Variants in ABHD12 observed in about 807,000 individuals in gnomAD.
ABHD12 encodes abhydrolase domain containing 12, lysophospholipase, also known as lysophosphatidylserine lipase ABHD12.
In ABHD12, 43 loss-of-function variants were observed where a neutral mutation model predicts 58.3. The observed-to-expected ratio is 0.74, with a 90% confidence interval of 0.58 to 0.95. ABHD12 has a LOEUF of 0.95. Among genes scored for constraint, ABHD12 ranks in the 40% least tolerant of loss-of-function variants. The probability of loss-of-function intolerance (pLI) is 0.00; values close to 1 mark genes in which losing one functional copy is unlikely to be tolerated. For missense variants in ABHD12, 539 were observed against 537.2 expected (o/e 1.00, Z -0.03); for synonymous variants, 219 against 211.2 (o/e 1.04, Z -0.32).
Position 25,308,578 on chromosome 20 carries a change from G to A in ABHD12, c.750-84C>T. The A allele has an allele frequency of 1.2e-5, 17 of 1,474,674 alleles. No individual in the cohort carries two copies. In the South Asian group the frequency reaches 1.9e-4, roughly 17 times the overall value. The allele number at this position is 1,474,674 out of a possible 1,614,324, so 91.3% of individuals were successfully genotyped here. On this transcript the variant is annotated intron_variant, in intron 7 of 12. Transcript: ENST00000339157. ...GGCCTTATGCTGGAAAGTGCTCAGA[G>A]GAGCCATGGGGTCTGTGAAGCTACT...
In ABHD12 at chr20:25,377,787, T is replaced by G. The variant is rs184994286; in HGVS notation, c.191+12726A>C. Among the ~76,000 whole-genome samples, 461 of 152,294 alleles carry G rather than the reference T, an allele frequency of 3.0e-3. 2 individuals carry two copies. Among genetic ancestry groups the G allele is most frequent in the Non-Finnish European group, 5.5e-3 (376 of 68,020 alleles). On this transcript the variant is annotated intron_variant, in intron 1 of 12. Transcript: ENST00000339157. ...ATCTCGGCTCACTGCAACTTCTGCC[T>G]TCCAGGTTCAAGCGATTCTCCTGCC...
chr20:25,307,499 G>C (rs1346040582), intron 9 of ABHD12, among the ~76,000 whole-genome samples: 1 of 152,260 alleles, frequency 6.6e-6, no homozygotes, highest in African/African-American at 2.4e-5. Context: ...ATTCCCAGCT[G>C]GGGAGGGCAC....
rs181198475 is a variant in ABHD12 at position 25,327,202 on chromosome 20, C to T, written c.317-3772G>A. 4.7e-3 allele frequency among the ~76,000 whole-genome samples: 714 copies of T among 152,294 alleles called. 3 individuals are homozygous for T. The highest frequency in any genetic ancestry group is 8.4e-3 in the Non-Finnish European group (572 of 68,016). ...CCCAAAGGGGTGCCAGGCGCGGTGGCGCATGCCTATAATCCCAGCACTTTG... is the reference window on the plus strand; with the variant it reads ...CCCAAAGGGGTGCCAGGCGCGGTGGTGCATGCCTATAATCCCAGCACTTTG... On this transcript the variant is annotated intron_variant, in intron 2 of 12. Coordinates refer to ENST00000339157, the MANE Select transcript of ABHD12 (RefSeq NM_001042472.3).
chr20:25,379,663 A>G (rs756794455), intron 1 of ABHD12, among the ~76,000 whole-genome samples: 7 of 152,188 alleles, frequency 4.6e-5, no homozygotes, highest in Non-Finnish European at 7.3e-5. Flanking sequence ...TTGCACAATT[A>G]TGATATCATA....
chr20:25,386,030 G>A (rs1456920503), intron 1 of ABHD12, among the ~76,000 whole-genome samples: 1 of 151,766 alleles, frequency 6.6e-6, no homozygotes, highest in Non-Finnish European at 1.5e-5. Flanking sequence ...GAACCCGGGA[G>A]GCAAAGCTTG....
intron 4 of ABHD12, among the ~76,000 whole-genome samples, chr20:25,319,153 G>T (rs1411090777): frequency 1.3e-5 from 2 of 152,224 alleles, no homozygotes; most frequent in African/African-American, 2.4e-5. Context: ...CACACACGAA[G>T]ACCTTGGTGG....
intron 2 of ABHD12, among the ~76,000 whole-genome samples, chr20:25,326,110 AAGGGGAGGGG>A (rs372081778): frequency 7.3e-6 from 1 of 137,240 alleles, no homozygotes; most frequent in African/African-American, 2.7e-5. Flanking sequence ...GAAAGAAGTG[AAGGGGAGGGG>A]AGGGGAGGGA....
intron 1 of ABHD12, among the ~76,000 whole-genome samples, chr20:25,383,715 G>T (rs905793753): frequency 3.9e-5 from 6 of 152,106 alleles, no homozygotes; most frequent in Non-Finnish European, 8.8e-5. Context: ...CAGTACTTTG[G>T]GAGGCCAAGG....
Position 25,390,708 on chromosome 20 carries a change from C to G in ABHD12, c.-5G>C, listed in dbSNP as rs879850474. On this transcript the variant is annotated 5_prime_UTR_variant, in exon 1 of 13. Transcript: ENST00000339157. ...GGGCTCGGTCCGCTTCCTCATCCCG[C>G]GGCCGACAGGGCCAGCCGCCGACGG... is the stretch of plus-strand genomic sequence containing the variant. The G allele has an allele frequency of 3.6e-6, 5 of 1,377,156 alleles. No individual in the cohort carries two copies. Among genetic ancestry groups the G allele is most frequent in the Non-Finnish European group, 2.8e-6 (3 of 1,063,184 alleles). The allele number at this position is 1,377,156 out of a possible 1,614,324, so 85.3% of individuals were successfully genotyped here. A position where few individuals can be genotyped will look rare whatever the true frequency, so the allele number is the denominator to read the frequency against.
chr20:25,362,822 G>C (rs1600854928), intron 1 of ABHD12, among the ~76,000 whole-genome samples: 2 of 151,104 alleles, frequency 1.3e-5, no homozygotes, highest in South Asian at 4.2e-4. Flanking sequence ...TTGCAGGCGT[G>C]CACCACCACC....
chr20:25,308,875 G>A (rs2088796722), intron 7 of ABHD12, among the ~76,000 whole-genome samples: 1 of 152,222 alleles, frequency 6.6e-6, no homozygotes, highest in Non-Finnish European at 1.5e-5. Context: ...GGTGGACCAC[G>A]CAGACGGCCA....
chr20:25,301,052 G>A (rs571157038), intron 12 of ABHD12, among the ~76,000 whole-genome samples, 168 bp from the exon 13 acceptor site: 2 of 152,350 alleles, frequency 1.3e-5, no homozygotes, highest in South Asian at 4.1e-4. Context: ...GAGTTAGGCA[G>A]GGAACAAGCA....
chr20:25,358,253 C>A (rs1378332291), intron 1 of ABHD12, among the ~76,000 whole-genome samples: 4 of 152,142 alleles, frequency 2.6e-5, no homozygotes, highest in Admixed American at 6.6e-5. Context: ...GCAGGAAGAA[C>A]TAGGAAGAAG....
rs1436141961 is a variant in ABHD12 at position 25,300,332 on chromosome 20, C to T, written c.*513G>A. ...GCACTTCCACTGTGGGTGAGTGGGC[C>T]AGCCCAGGGGAGGTGGGGCAGCTGA... On this transcript the variant is annotated 3_prime_UTR_variant, in exon 13 of 13. Transcript: ENST00000339157. 1.9e-6 allele frequency: 2 copies of T among 1,037,242 alleles called. No individual in the cohort carries two copies. The highest frequency in any genetic ancestry group is 3.4e-5 in the African/African-American group (2 of 59,318). The allele number at this position is 1,037,242 out of a possible 1,614,324, so 64.3% of individuals were successfully genotyped here. A position where few individuals can be genotyped will look rare whatever the true frequency, so the allele number is the denominator to read the frequency against.
intron 11 of ABHD12, 89 bp from the exon 12 acceptor site, chr20:25,302,435 T>G: frequency 1.9e-6 from 3 of 1,542,940 alleles, no homozygotes; most frequent in Non-Finnish European, 2.7e-6. Flanking sequence ...TCCCCTTCAA[T>G]AGAAACCAGT....
intron 1 of ABHD12, among the ~76,000 whole-genome samples, chr20:25,362,910 T>C (rs1349861263): frequency 1.3e-5 from 2 of 151,956 alleles, no homozygotes; most frequent in African/African-American, 4.8e-5. Context: ...CAACCTCAGG[T>C]GATCTGCCCA....
chr20:25,347,250 A>G (rs1213879228), intron 1 of ABHD12, among the ~76,000 whole-genome samples: 1 of 152,184 alleles, frequency 6.6e-6, no homozygotes, highest in Admixed American at 6.5e-5. Context: ...CAAGAGTCTC[A>G]TAAGGGACAG....
intron 2 of ABHD12, among the ~76,000 whole-genome samples, chr20:25,332,298 T>G (rs1159673376): frequency 1.2e-3 from 176 of 151,674 alleles, no homozygotes; most frequent in African/African-American, 4.2e-3. Context: ...GCACCCAGAT[T>G]CATAAAGCAA....
chr20:25,303,955 T>G (rs2145921675), intron 10 of ABHD12, among the ~76,000 whole-genome samples: 1 of 152,368 alleles, frequency 6.6e-6, no homozygotes, highest in African/African-American at 2.4e-5. Context: ...TAAATGAATG[T>G]TACTAGGAAT....
Sources: allele counts gnomAD v4.1 joint callset (sites outside exome capture counted in the v4.1 genomes callset), GRCh38; gene constraint gnomAD v4.1.1; transcripts MANE v1.5; gene names NCBI Gene and HGNC (gene_info 2026-07-23, HGNC 2026-07-21).